KIAA1958: variants seen among roughly 807,000 people sequenced by gnomAD.
The protein encoded by KIAA1958 is uncharacterized protein KIAA1958.
In KIAA1958, 14 loss-of-function variants were observed where a neutral mutation model predicts 47.2. That is an observed-to-expected ratio of 0.30 (90% CI 0.20 to 0.46). KIAA1958 has a LOEUF of 0.46. Among genes scored for constraint, KIAA1958 ranks in the 20% least tolerant of loss-of-function variants. KIAA1958 has a pLI of 1.00. For missense variants in KIAA1958, 803 were observed against 909.2 expected, an observed-to-expected ratio of 0.88 and a Z score of 1.50; for synonymous variants, 354 against 353.3, an observed-to-expected ratio of 1.00 and a Z score of -0.02.
At chr9:112,587,875 T>G (rs183424897) in intron 2 of KIAA1958, among the ~76,000 whole-genome samples, 4 of 152,348 alleles carry the variant, frequency 2.6e-5, no homozygotes. Context: ...TGTTTCTTGA[T>G]TTATCAACTT....
chr9:112,652,455 A>G (rs371601005), intron 3 of KIAA1958, among the ~76,000 whole-genome samples: 6 of 152,336 alleles, frequency 3.9e-5, no homozygotes, highest in Admixed American at 6.5e-5. Context: ...GTGTGCAAAC[A>G]ATATAAGTGT....
intron 1 of KIAA1958, among the ~76,000 whole-genome samples, chr9:112,523,839 G>A (rs7031293): frequency 0.96 from 146,050 of 152,300 alleles, 70,078 homozygotes; most frequent in African/African-American, 0.99. Flanking sequence ...ACTGCATTGT[G>A]GAGATTTTGA....
At chr9:112,512,978 C>T (rs1834346558) in intron 1 of KIAA1958, among the ~76,000 whole-genome samples, 1 of 151,098 alleles carries the variant, frequency 6.6e-6, no homozygotes, top group Admixed American at 6.6e-5. Flanking sequence ...GCTGGGATTA[C>T]AGGCGCCCGC....
At chr9:112,550,018 T>A (rs7850458) in intron 1 of KIAA1958, among the ~76,000 whole-genome samples, 145,387 of 152,316 alleles carry the variant, frequency 0.95, 69,460 homozygotes, top group African/African-American at 0.99. Flanking sequence ...TAGAGTTGAG[T>A]TACCATGATT....
At chr9:112,548,843 C>T (rs1397163545) in intron 1 of KIAA1958, among the ~76,000 whole-genome samples, 1 of 152,174 alleles carries the variant, frequency 6.6e-6, no homozygotes, top group Admixed American at 6.5e-5. Flanking sequence ...TTTAGGCTGG[C>T]CTCTGATCAA....
chr9:112,642,674 G>A (rs1237486147), intron 2 of KIAA1958, among the ~76,000 whole-genome samples: 3 of 152,108 alleles, frequency 2.0e-5, no homozygotes, highest in Non-Finnish European at 2.9e-5. Context: ...TCACATCTTC[G>A]TTTAGTAGTT....
intron 1 of KIAA1958, among the ~76,000 whole-genome samples, chr9:112,520,087 A>T (rs545512375): frequency 3.9e-5 from 6 of 152,308 alleles, no homozygotes; most frequent in African/African-American, 1.4e-4. Flanking sequence ...GTTCTTTGTC[A>T]TTTTACACTG....
intron 1 of KIAA1958, among the ~76,000 whole-genome samples, chr9:112,529,704 C>G (rs1326884551): frequency 6.6e-6 from 1 of 152,170 alleles, no homozygotes; most frequent in Non-Finnish European, 1.5e-5. Context: ...TGAATTATTA[C>G]TGTTGATGCC....
At chr9:112,502,352 T>G (rs1834156876) in intron 1 of KIAA1958, among the ~76,000 whole-genome samples, 1 of 25,788 alleles carries the variant, frequency 3.9e-5, no homozygotes, top group Admixed American at 5.2e-4. Context: ...TCCTGACAGA[T>G]TGCTGAGTCA....
chr9:112,594,471 G>A (rs1362967063), intron 2 of KIAA1958, among the ~76,000 whole-genome samples: 5 of 152,166 alleles, frequency 3.3e-5, no homozygotes. Flanking sequence ...GACATTTTAT[G>A]TAAGTGCAAT....
intron 1 of KIAA1958, among the ~76,000 whole-genome samples, chr9:112,565,467 C>A (rs1172159635): frequency 1.3e-5 from 2 of 152,286 alleles, no homozygotes; most frequent in East Asian, 3.9e-4. Context: ...CAATCATTGC[C>A]CATGTCAGAT....
rs1468624782 is a variant in KIAA1958, at chr9:112,668,805, G to A, written c.*8736G>A. On this transcript the variant is annotated 3_prime_UTR_variant, in exon 4 of 4. Coordinates refer to ENST00000337530, the MANE Select transcript of KIAA1958 (RefSeq NM_133465.4). ...AAGAGATGGAGACAATCTCTTCTGGGTAGATTCCAAGTATAACCTGTCCCA... is the reference window on the plus strand; with the variant it reads ...AAGAGATGGAGACAATCTCTTCTGGATAGATTCCAAGTATAACCTGTCCCA... 6.6e-6 allele frequency: 1 copy of A among 152,190 alleles called. No homozygotes were observed. Among genetic ancestry groups the A allele is most frequent in the Non-Finnish European group, 1.5e-5 (1 of 68,042 alleles). 9.4% of individuals were successfully genotyped at this position (152,190 alleles called of 1,614,324 possible).
intron 2 of KIAA1958, among the ~76,000 whole-genome samples, chr9:112,608,167 A>G (rs1057382819): frequency 5.6e-4 from 85 of 152,350 alleles, no homozygotes; most frequent in Non-Finnish European, 6.3e-4. Flanking sequence ...CTAAATATTT[A>G]TGGTAATTAT....
chr9:112,559,926 C>T (rs1356195096), intron 1 of KIAA1958, among the ~76,000 whole-genome samples: 2 of 152,170 alleles, frequency 1.3e-5, no homozygotes, highest in South Asian at 2.1e-4. Context: ...GAGTGGAATG[C>T]CATTGCAATT....
chr9:112,528,727 C>G (rs1181813164), intron 1 of KIAA1958, among the ~76,000 whole-genome samples: 1 of 102,656 alleles, frequency 9.7e-6, no homozygotes, highest in African/African-American at 4.1e-5. Flanking sequence ...ACTGTGTTGG[C>G]CAGGCTGGTC....
At chr9:112,645,978 G>A (rs572662468) in intron 3 of KIAA1958, among the ~76,000 whole-genome samples, 156 bp downstream of exon 3, 1 of 152,174 alleles carries the variant, frequency 6.6e-6, no homozygotes, top group African/African-American at 2.4e-5. Flanking sequence ...ACACAAAGCA[G>A]AATTTAACAA....
intron 1 of KIAA1958, among the ~76,000 whole-genome samples, chr9:112,518,608 A>G (rs1286341665): frequency 6.6e-6 from 1 of 152,204 alleles, no homozygotes; most frequent in African/African-American, 2.4e-5. Context: ...CTCTAAAGGA[A>G]ACATTTTGGA....
intron 2 of KIAA1958, among the ~76,000 whole-genome samples, chr9:112,629,906 CTTCA>C (rs887691881): frequency 2.8e-4 from 42 of 152,214 alleles, no homozygotes; most frequent in African/African-American, 1.0e-3. Flanking sequence ...GATGACCAGT[CTTCA>C]TTCATTTAAT....
intron 1 of KIAA1958, among the ~76,000 whole-genome samples, chr9:112,559,677 C>A (rs1052297067): frequency 1.3e-5 from 2 of 152,180 alleles, no homozygotes; most frequent in African/African-American, 4.8e-5. Flanking sequence ...TGTTATGAGA[C>A]ACTGTTACTC....
Sources: allele counts gnomAD v4.1 joint callset (sites outside exome capture counted in the v4.1 genomes callset), GRCh38; gene constraint gnomAD v4.1.1; transcripts MANE v1.5; gene names NCBI Gene and HGNC (gene_info 2026-07-23, HGNC 2026-07-21).